Variants in FMN1 observed in about 807,000 individuals in gnomAD.
FMN1 encodes the protein formin 1.
FMN1 carries 110 observed loss-of-function variants against 132.4 expected under a neutral mutation model. The observed-to-expected ratio is 0.83, with a 90% confidence interval of 0.71 to 0.97. The LOEUF is 0.97. Among genes scored for constraint, FMN1 ranks in the 50% least tolerant of loss-of-function variants. FMN1 has a pLI of 0.00. For synonymous variants in FMN1, 722 were observed against 651.7 expected, an observed-to-expected ratio of 1.11 and a Z score of -1.64; for missense variants, 1,792 against 1,705.3, an observed-to-expected ratio of 1.05 and a Z score of -0.90.
rs1463994668 is a variant in FMN1 at position 33,154,651 on chromosome 15, G to C, written c.264C>G (p.Tyr88Ter). The C allele has an allele frequency of 1.3e-6, 2 of 1,536,132 alleles. No individual in the cohort carries two copies. Among genetic ancestry groups the C allele is most frequent in the East Asian group, 2.4e-5 (1 of 40,912 alleles). The stretch of plus-strand genomic sequence containing the variant: ...GTCTCTCCCTCTCTGTTGTGAGTTT[G>C]TACAGCTCAGTTAGAATGTCTTTCG... Reference protein sequence around the residue: ...TPTKDILTELYKLTTERERLL... With the variant: ...TPTKDILTEL The change falls in exon 4 of 21, where the codon TAC (tyrosine) becomes TAG (stop). Residue 88 changes from tyrosine (Y) to a stop codon, truncating the protein, a stop_gained. Transcript: ENST00000616417. LOFTEE classifies it high-confidence loss of function.
At chr15:32,874,355 C>T (rs933597129) in intron 16 of FMN1, among the ~76,000 whole-genome samples, 2 of 151,904 alleles carry the variant, frequency 1.3e-5, no homozygotes, top group African/African-American at 4.8e-5. Flanking sequence ...TCAAGCCCAG[C>T]TTAAACACTC....
chr15:33,128,203 A>G (rs949413535), intron 4 of FMN1, among the ~76,000 whole-genome samples: 3 of 152,206 alleles, frequency 2.0e-5, no homozygotes, highest in African/African-American at 7.2e-5. Flanking sequence ...CGGGAAAAAA[A>G]GCAAAAAGCA....
chr15:33,135,777 C>T lies in FMN1; in HGVS notation c.1867+17271G>A, dbSNP rs565143437. Among the ~76,000 whole-genome samples, 63 of 152,254 alleles carry T rather than the reference C, an allele frequency of 4.1e-4. 1 individual carries two copies. The highest frequency in any genetic ancestry group is 1.4e-3 in the African/African-American group (59 of 41,556). On this transcript the variant is annotated intron_variant, in intron 4 of 20. Coordinates refer to ENST00000616417, the MANE Select transcript of FMN1 (RefSeq NM_001277313.2). ...TGGATAGAATTCTTATCGTGCATTG[C>T]GTACCAATACTAACTGTTCTATTCT... is the stretch of plus-strand genomic sequence containing the variant.
chr15:32,832,296 G>T (rs1303909693), intron 17 of FMN1, among the ~76,000 whole-genome samples: 1 of 152,124 alleles, frequency 6.6e-6, no homozygotes, highest in Non-Finnish European at 1.5e-5. Context: ...AAGTCTAGGG[G>T]TTGTCTGTTT....
chr15:33,020,779 G>T (rs2035377726), intron 6 of FMN1, among the ~76,000 whole-genome samples: 1 of 152,188 alleles, frequency 6.6e-6, no homozygotes. Context: ...AGGCTTTCAG[G>T]ATGTGCATCT....
intron 16 of FMN1, among the ~76,000 whole-genome samples, chr15:32,867,698 A>G (rs1243986918): frequency 6.6e-6 from 1 of 152,066 alleles, no homozygotes. Flanking sequence ...TCACCATGTT[A>G]GCCGGGATGG....
At chr15:32,826,341 A>C (rs1161427496) in intron 17 of FMN1, among the ~76,000 whole-genome samples, 2 of 152,246 alleles carry the variant, frequency 1.3e-5, no homozygotes, top group Non-Finnish European at 2.9e-5. Flanking sequence ...GAGAGGCTAC[A>C]GGCCAACAGT....
intron 4 of FMN1, among the ~76,000 whole-genome samples, chr15:33,123,772 C>T (rs894448030): frequency 2.6e-5 from 4 of 152,204 alleles, no homozygotes; most frequent in African/African-American, 7.2e-5. Context: ...CGTAAAGTTT[C>T]TTAGTTAGAA....
chr15:33,139,298 C>T (rs967085972), intron 4 of FMN1, among the ~76,000 whole-genome samples: 3 of 152,088 alleles, frequency 2.0e-5, no homozygotes, highest in Admixed American at 2.0e-4. Flanking sequence ...AAAATAAATA[C>T]CTAAATAGCT....
intron 4 of FMN1, among the ~76,000 whole-genome samples, chr15:33,128,706 C>A (rs1321722715): frequency 6.6e-6 from 1 of 152,150 alleles, no homozygotes; most frequent in Non-Finnish European, 1.5e-5. Flanking sequence ...ACCCGCGGAC[C>A]CTCACGGTAA....
intron 20 of FMN1, 90 bp downstream of exon 20, chr15:32,776,745 T>C (rs2056431638): frequency 1.4e-6 from 1 of 696,716 alleles, no homozygotes; most frequent in Non-Finnish European, 2.5e-6. Context: ...AGAATCTGGA[T>C]ACTATGTTTC....
chr15:32,821,596 C>T (rs919898383), intron 17 of FMN1, among the ~76,000 whole-genome samples: 4 of 151,682 alleles, frequency 2.6e-5, no homozygotes, highest in Non-Finnish European at 5.9e-5. Context: ...GGACTACAGG[C>T]GCCCGCCACC....
At chr15:32,915,921 G>A (rs2060673655) in intron 10 of FMN1, among the ~76,000 whole-genome samples, 4 of 152,222 alleles carry the variant, frequency 2.6e-5, no homozygotes, top group Admixed American at 2.6e-4. Context: ...AATTTTATTA[G>A]ATTCCTTTAC....
chr15:33,090,987 C>A (rs536801169), intron 4 of FMN1, among the ~76,000 whole-genome samples: 31 of 152,304 alleles, frequency 2.0e-4, no homozygotes, highest in Admixed American at 1.5e-3. Flanking sequence ...CACTGTACTA[C>A]CTCATCTTCC....
At chr15:32,779,766 A>G (rs752184836) in intron 19 of FMN1, among the ~76,000 whole-genome samples, 2 of 152,206 alleles carry the variant, frequency 1.3e-5, no homozygotes, top group African/African-American at 4.8e-5. Context: ...ACTCTGTGAG[A>G]TAGGAACTTC....
At chr15:32,882,276 G>T (rs371778154) in intron 16 of FMN1, among the ~76,000 whole-genome samples, 2 of 152,236 alleles carry the variant, frequency 1.3e-5, no homozygotes, top group African/African-American at 4.8e-5. Context: ...GTACGGCACA[G>T]ATAAACCTGT....
chr15:33,183,271 C>T (rs948442303), intron 2 of FMN1, among the ~76,000 whole-genome samples: 5 of 152,126 alleles, frequency 3.3e-5, no homozygotes, highest in African/African-American at 1.2e-4. Context: ...AGGTTGTTGT[C>T]AAGATAAAAT....
At chr15:33,081,382 T>C (rs1004848221) in intron 5 of FMN1, among the ~76,000 whole-genome samples, 4 of 152,330 alleles carry the variant, frequency 2.6e-5, no homozygotes, top group Non-Finnish European at 5.9e-5. Context: ...ATACAATATG[T>C]AATAATTAAA....
chr15:32,778,874 T>C (rs2056574974), intron 19 of FMN1, among the ~76,000 whole-genome samples: 1 of 152,156 alleles, frequency 6.6e-6, no homozygotes. Context: ...TATGAATGTT[T>C]ATAGAACCAC....
Sources: allele counts gnomAD v4.1 joint callset (sites outside exome capture counted in the v4.1 genomes callset), GRCh38; gene constraint gnomAD v4.1.1; transcripts MANE v1.5; gene names NCBI Gene and HGNC (gene_info 2026-07-23, HGNC 2026-07-21).